Variants in NRP1 observed in about 807,000 individuals in gnomAD.
The protein encoded by NRP1 is neuropilin-1.
NRP1 carries 35 observed loss-of-function variants against 106.7 expected under a neutral mutation model. The ratio of observed to expected loss-of-function variants is 0.33; its 90% CI spans 0.25 to 0.43. The LOEUF is 0.43. Ranked by LOEUF, NRP1 falls within the 20% of genes least tolerant of loss-of-function variation. The pLI is 1.00. For synonymous variants in NRP1, 437 were observed against 417.9 expected (o/e 1.05, Z -0.56); for missense variants, 1,024 against 1,170.4 (o/e 0.87, Z 1.83).
At chr10:33,228,836 T>C (rs971843862) in intron 6 of NRP1, among the ~76,000 whole-genome samples, 11 of 152,220 alleles carry the variant, frequency 7.2e-5, no homozygotes, top group African/African-American at 2.7e-4. Context: ...TTTAATAGAA[T>C]TTAATATTTT....
Position 33,207,595 on chromosome 10 carries a change from T to A in NRP1, c.1736A>T (p.Glu579Val). 6.2e-7 allele frequency: 1 copy of A among 1,614,164 alleles called. No individual in the cohort carries two copies. Among genetic ancestry groups the A allele is most frequent in the Non-Finnish European group, 8.5e-7 (1 of 1,180,012 alleles). Residue 579 changes from glutamate (E) to valine (V), a missense_variant, in exon 10 of 17, where the codon GAG becomes GTG. Glu to Val is a moderately radical substitution (Grantham distance 121). Coordinates refer to ENST00000374867, the MANE Select transcript of NRP1 (RefSeq NM_003873.7). ...ACCTTCCACTTCACAGCCCAGCAGC[T>A]CCATTCTGAGCCCCAGTCCGCCATG... ...ATHGGLGLRMELLGCEVEAPT... is the reference protein window; with the variant it reads ...ATHGGLGLRMVLLGCEVEAPT...
chr10:33,244,080 T>A (rs1429197078), intron 6 of NRP1, among the ~76,000 whole-genome samples: 1 of 152,032 alleles, frequency 6.6e-6, no homozygotes, highest in East Asian at 1.9e-4. Context: ...AAATGAGAAC[T>A]ATACAAGGGT....
chr10:33,300,516 CT>C (rs1225182562), intron 2 of NRP1, among the ~76,000 whole-genome samples: 1 of 152,168 alleles, frequency 6.6e-6, no homozygotes, highest in East Asian at 1.9e-4. Context: ...GCAGTGGTTC[CT>C]GAGTGTGTGC....
chr10:33,226,007 T>G, intron 7 of NRP1, 127 bp downstream of exon 7: 1 of 1,039,700 alleles, frequency 9.6e-7, no homozygotes, highest in East Asian at 2.5e-5. Flanking sequence ...AACCTCTAAT[T>G]GCACTTTTCA....
At chr10:33,183,522 C>A (rs975307450) in intron 15 of NRP1, among the ~76,000 whole-genome samples, 1 of 152,160 alleles carries the variant, frequency 6.6e-6, no homozygotes, top group Non-Finnish European at 1.5e-5. Flanking sequence ...AGTATGCCAA[C>A]TCTTTGAGGC....
intron 8 of NRP1, 97 bp from the exon 9 acceptor site, chr10:33,213,814 G>GTCTTTATTCATA: frequency 1.0e-6 from 1 of 961,036 alleles, no homozygotes; most frequent in South Asian, 1.7e-5. Context: ...ACATGATTTT[G>GTCTTTATTCATA]TACCCAATCA....
intron 2 of NRP1, among the ~76,000 whole-genome samples, chr10:33,292,765 G>T (rs1260118810): frequency 1.3e-5 from 2 of 152,070 alleles, no homozygotes; most frequent in Non-Finnish European, 2.9e-5. Context: ...AGGTGGGTGG[G>T]TTACCTGAGG....
chr10:33,199,367 C>CTA (rs1413431395), intron 11 of NRP1, among the ~76,000 whole-genome samples: 3,908 of 53,956 alleles, frequency 0.072, 300 homozygotes, highest in Non-Finnish European at 0.08. Context: ...TGGCTGTTTT[C>CTA]TATATATATA....
At position 33,308,648 on chromosome 10, in the gene NRP1, A is replaced by G. The variant is rs115973389; in HGVS notation, c.248+22060T>C. ...ATTATGGGCATGCATCACTATGTCC[A>G]GCTAATTTTTTTGTACTTTTAGTAG... On this transcript the variant is annotated intron_variant, in intron 2 of 16. Coordinates refer to ENST00000374867, the MANE Select transcript of NRP1 (RefSeq NM_003873.7). 2.8e-3 allele frequency among the ~76,000 whole-genome samples: 428 copies of G among 151,960 alleles called. 3 individuals are homozygous for G. Among genetic ancestry groups the G allele is most frequent in the African/African-American group, 0.01 (418 of 41,446 alleles).
chr10:33,247,832 T>C (rs933471552), intron 6 of NRP1, among the ~76,000 whole-genome samples: 1 of 152,168 alleles, frequency 6.6e-6, no homozygotes, highest in Non-Finnish European at 1.5e-5. Context: ...TCCACGTCCA[T>C]TGTGTAAGAC....
chr10:33,248,245 G>A (rs924724594), intron 6 of NRP1, among the ~76,000 whole-genome samples: 65 of 152,202 alleles, frequency 4.3e-4, no homozygotes, highest in African/African-American at 1.5e-3. Context: ...AGCCAAGATC[G>A]TGCCACTGCA....
intron 8 of NRP1, among the ~76,000 whole-genome samples, chr10:33,218,802 G>A (rs1838992245): frequency 6.6e-6 from 1 of 152,166 alleles, no homozygotes; most frequent in South Asian, 2.1e-4. Flanking sequence ...CTACTCAGCA[G>A]GGTGAAAATT....
At chr10:33,283,796 G>A (rs1024997971) in intron 2 of NRP1, among the ~76,000 whole-genome samples, 1 of 152,188 alleles carries the variant, frequency 6.6e-6, no homozygotes, top group Non-Finnish European at 1.5e-5. Context: ...AGAAAGGAAA[G>A]CAATGGCCAT....
intron 2 of NRP1, among the ~76,000 whole-genome samples, chr10:33,281,816 T>C (rs569250689): frequency 9.2e-5 from 14 of 152,258 alleles, no homozygotes; most frequent in African/African-American, 3.1e-4. Flanking sequence ...GGTTGGGATA[T>C]GGAGAGAAGG....
rs1419785109 is a variant in NRP1, at chr10:33,180,334, T to C, written c.2514A>G (p.Glu838=). 15 of 1,604,310 alleles carry C rather than the reference T, an allele frequency of 9.3e-6. No homozygotes were observed. Among genetic ancestry groups the C allele is most frequent in the African/African-American group, 1.3e-5 (1 of 74,678 alleles). ...GSTPGYEGEG[E]GDKNISRKPG... ...GCTTCCTGGAGATGTTCTTGTCACC[T>C]TCTCCTTCACCTTCGTATCCTGGCG... The change falls in exon 17 of 17, where the codon GAA becomes GAG. Residue 838 remains glutamate (E), a synonymous_variant. Coordinates refer to ENST00000374867, the MANE Select transcript of NRP1 (RefSeq NM_003873.7).
intron 2 of NRP1, among the ~76,000 whole-genome samples, chr10:33,321,106 C>G (rs1847471995): frequency 6.6e-6 from 1 of 152,184 alleles, no homozygotes; most frequent in South Asian, 2.1e-4. Context: ...CCTGCCTCAG[C>G]CTCCTGAGTA....
At position 33,221,999 on chromosome 10, in the gene NRP1, C is replaced by T. The variant is rs534488115; in HGVS notation, c.1138-136G>A. Reference sequence around the variant, plus strand: ...CAAGGATGAGATGGCGTTAATAACTCGCCATGTTAATTTTTTCAATTAGCA... The same window carrying T: ...CAAGGATGAGATGGCGTTAATAACTTGCCATGTTAATTTTTTCAATTAGCA... On this transcript the variant is annotated intron_variant, in intron 7 of 16. Transcript: ENST00000374867. 311 of 869,916 alleles carry T rather than the reference C, an allele frequency of 3.6e-4. 2 individuals are homozygous for T. The African/African-American group carries it at 4.5e-3, about 13-fold the overall frequency. 53.9% of individuals were successfully genotyped at this position (869,916 alleles called of 1,614,324 possible).
Position 33,179,004 on chromosome 10 carries a change from C to G in NRP1, c.*1072G>C, listed in dbSNP as rs1564356568. 1 of 152,432 alleles carries G rather than the reference C, an allele frequency of 6.6e-6. No individual in the cohort carries two copies. Among genetic ancestry groups the G allele is most frequent in the Non-Finnish European group, 1.5e-5 (1 of 68,016 alleles). 9.4% of individuals were successfully genotyped at this position (152,432 alleles called of 1,614,324 possible). On this transcript the variant is annotated 3_prime_UTR_variant, in exon 17 of 17. Transcript: ENST00000374867. ...CTCCAATTCTAAGAGAGAAAAAAGA[C>G]AGAGAGATAGGAGAGAGAAAGAGAA...
At chr10:33,259,039 CCAGAATACAAG>C (rs1453456916) in intron 4 of NRP1, among the ~76,000 whole-genome samples, 5 of 152,168 alleles carry the variant, frequency 3.3e-5, no homozygotes, top group Non-Finnish European at 7.4e-5. Flanking sequence ...CTGACCTCCC[CCAGAATACAAG>C]CTTGCAAGCA....
Sources: gnomAD v4.1 joint callset for allele counts (sites outside exome capture counted in the v4.1 genomes callset) on GRCh38, gnomAD v4.1.1 for gene constraint, MANE v1.5 for transcripts, NCBI Gene and HGNC (gene_info 2026-07-23, HGNC 2026-07-21) for gene names.